Variants in MLXIPL observed in about 807,000 individuals in gnomAD.
MLXIPL encodes the protein MLX interacting protein like, also known as carbohydrate-responsive element-binding protein.
A neutral mutation model predicts 81.5 loss-of-function variants in MLXIPL; 49 were observed. The observed-to-expected ratio is 0.60, with a 90% CI of 0.48 to 0.76. The LOEUF is 0.76. Among genes scored for constraint, MLXIPL ranks in the 30% least tolerant of loss-of-function variants. The pLI is 0.00. For missense variants in MLXIPL, 1,053 were observed against 1,167.0 expected (o/e 0.90, Z 1.42); for synonymous variants, 466 against 485.5 (o/e 0.96, Z 0.53).
At chr7:73,625,891 G>C (rs573141739), upstream of MLXIPL, among the ~76,000 whole-genome samples, 2 of 152,312 alleles carry the variant, frequency 1.3e-5, no homozygotes, top group African/African-American at 4.8e-5. Context: ...TCACTGGAAG[G>C]TGGACATCCC....
intron 5 of MLXIPL, 184 bp from the exon 6 acceptor site, chr7:73,606,295 G>C (rs1456900158): frequency 1.8e-5 from 12 of 652,788 alleles, no homozygotes; most frequent in Non-Finnish European, 3.3e-5. Context: ...TGGCCTCTAA[G>C]AACTTCCCCC....
chr7:73,607,195 C>A, intron 4 of MLXIPL, 136 bp downstream of exon 4: 1 of 1,256,990 alleles, frequency 8.0e-7, no homozygotes, highest in Non-Finnish European at 1.1e-6. Context: ...GCGCTGTCGG[C>A]CCGGGACTGA....
rs759419239 is a variant in MLXIPL at position 73,594,546 on chromosome 7, ACTT to A, written c.2311-146_2311-144del. The A allele has an allele frequency of 9.1e-4, 923 of 1,016,752 alleles. 1 individual carries two copies. The highest frequency in any genetic ancestry group is 5.2e-4 in the East Asian group (20 of 38,334). 63.0% of individuals were successfully genotyped at this position (1,016,752 alleles called of 1,614,324 possible). A position where few individuals can be genotyped will look rare whatever the true frequency, so the allele number is the denominator to read the frequency against. ...CCCAATGACTCATGTTGCAGCCCCT[ACTT>A]CTTCTTTTTTTTTTTTTGAGACGGA... On this transcript the variant is annotated intron_variant, in intron 15 of 16. Transcript: ENST00000313375.
chr7:73,594,441 G>A (rs1794104736), intron 15 of MLXIPL, 38 bp from the exon 16 acceptor site: 1 of 1,599,032 alleles, frequency 6.3e-7, no homozygotes, highest in Admixed American at 1.7e-5. Flanking sequence ...GGTCCAGCTG[G>A]TCCCCCCACA....
the MLXIPL span, among the ~76,000 whole-genome samples, chr7:73,645,839 G>A: frequency 6.6e-6 from 1 of 152,150 alleles, no homozygotes; most frequent in African/African-American, 2.4e-5. Flanking sequence ...GTGACCTTGA[G>A]CCAGAGCCTT....
chr7:73,593,996 CAGAG>C lies in MLXIPL; in HGVS notation c.2441-17_2441-14del, dbSNP rs144164348. On this transcript the variant is annotated splice_polypyrimidine_tract_variant and intron_variant, in intron 16 of 16. Transcript: ENST00000313375. ...GAGTTCAGGACAGCTGGGTGGGAGA[CAGAG>C]AGAGAGAGACAGACACTTCCTGGGG... is the stretch of plus-strand genomic sequence containing the variant. 36 of 1,600,002 alleles carry C rather than the reference CAGAG, an allele frequency of 2.3e-5. No individual in the cohort carries two copies. Among genetic ancestry groups the C allele is most frequent in the East Asian group, 2.2e-4 (10 of 44,744 alleles).
intron 7 of MLXIPL, among the ~76,000 whole-genome samples, chr7:73,603,727 T>G (rs1187471559): frequency 1.3e-5 from 2 of 152,184 alleles, no homozygotes; most frequent in African/African-American, 4.8e-5. Context: ...GGTCCCTAAA[T>G]GTGTGGCTAT....
At chr7:73,629,335 T>C (rs34430945), upstream of MLXIPL, among the ~76,000 whole-genome samples, 23,536 of 152,022 alleles carry the variant, frequency 0.15, 2,122 homozygotes, top group African/African-American at 0.25. Flanking sequence ...GCACCGTGCC[T>C]GGCCGCACCA....
chr7:73,596,035 C>T lies in MLXIPL; in HGVS notation c.2059-66G>A. 3 of 1,605,430 alleles carry T rather than the reference C, an allele frequency of 1.9e-6. No individual in the cohort carries two copies. The Admixed American group carries it at 5.0e-5, about 27-fold the overall frequency. ...CTGTACCCTGGGACCCACTGAGGCA[C>T]TGGGATGGGAGGAGGCAAGAGTGTC... On this transcript the variant is annotated intron_variant, in intron 13 of 16. Transcript: ENST00000313375. This position sits in a 1 kb window ranked among gnomAD's most constrained non-coding sequence, Gnocchi z 4.7.
intron 1 of MLXIPL, 118 bp from the exon 2 acceptor site, chr7:73,616,295 A>T: frequency 1.1e-6 from 1 of 885,154 alleles, no homozygotes; most frequent in Non-Finnish European, 1.8e-6. Flanking sequence ...GCCCCTCCAA[A>T]TCTGGCCCCC....
chr7:73,602,253 G>A (rs1260331114), intron 7 of MLXIPL, among the ~76,000 whole-genome samples: 12 of 138,520 alleles, frequency 8.7e-5, no homozygotes, highest in African/African-American at 3.3e-4. Context: ...GTCTCGCTCT[G>A]TAGCCCAGGC....
chr7:73,641,829 TTTCA>T, the MLXIPL span, among the ~76,000 whole-genome samples: 3 of 152,164 alleles, frequency 2.0e-5, no homozygotes, highest in Admixed American at 2.0e-4. Context: ...AGAGATGGGG[TTTCA>T]CCATGTTAGC....
At chr7:73,618,493 G>A (rs13240662) in intron 1 of MLXIPL, among the ~76,000 whole-genome samples, 4,931 of 150,294 alleles carry the variant, frequency 0.033, 118 homozygotes, top group Middle Eastern at 0.052. Context: ...GTCTGACTCC[G>A]CAGCCTCTCC....
At chr7:73,631,608 T>C in the MLXIPL span, among the ~76,000 whole-genome samples, 14,759 of 139,252 alleles carry the variant, frequency 0.11, 868 homozygotes, top group East Asian at 0.14. Flanking sequence ...GGGTCTGCTA[T>C]GCTGCCTAGG....
At chr7:73,607,299 CT>C in intron 4 of MLXIPL, 31 bp downstream of exon 4, 2 of 1,544,416 alleles carry the variant, frequency 1.3e-6, no homozygotes, top group Non-Finnish European at 1.8e-6. Context: ...AGGAGGAAAG[CT>C]CTGGGGCCTC....
At position 73,607,000 on chromosome 7, in the gene MLXIPL, C is replaced by T. The variant is rs1554598375; in HGVS notation, c.592G>A (p.Glu198Lys). Residue 198 changes from glutamate (E) to lysine (K), a missense_variant, in exon 5 of 17, where the codon GAA (glutamate) becomes AAA (lysine). Around this residue, in one of 3 missense-constraint regions of MLXIPL, gnomAD observed 823 missense variants for 933.0 expected, o/e 0.88. Transcript: ENST00000313375. ...YKKRLRKPSR[E>K]DDLLAPKQAE... is the part of the protein sequence containing the mutation. ...TGCTTAGGGGCCAGGAGGTCATCTTCCCTGCTGGGCTTACGGAGCTGCAGG... is the reference window on the plus strand; with the variant it reads ...TGCTTAGGGGCCAGGAGGTCATCTTTCCTGCTGGGCTTACGGAGCTGCAGG... 1 of 1,613,708 alleles carries T rather than the reference C, an allele frequency of 6.2e-7. No individual in the cohort carries two copies. Among genetic ancestry groups the T allele is most frequent in the Non-Finnish European group, 8.5e-7 (1 of 1,179,924 alleles).
rs1554600675 is a variant in MLXIPL, at chr7:73,616,065, A to C, written c.400+6T>G. On this transcript the variant is annotated splice_donor_region_variant and intron_variant, in intron 2 of 16. Coordinates refer to ENST00000313375, the MANE Select transcript of MLXIPL (RefSeq NM_032951.3). ...CCGGCTTGGGAGGCTGGTGGTAGCC[A>C]CTCACACTGGATATACCAGGCCCTC... is the stretch of plus-strand genomic sequence containing the variant. 1 of 1,612,176 alleles carries C rather than the reference A, an allele frequency of 6.2e-7. No homozygotes were observed. Among genetic ancestry groups the C allele is most frequent in the East Asian group, 2.2e-5 (1 of 44,842 alleles).
intron 2 of MLXIPL, among the ~76,000 whole-genome samples, chr7:73,607,952 G>GTT (rs371117915): frequency 1.4e-5 from 2 of 147,152 alleles, no homozygotes; most frequent in African/African-American, 5.1e-5. Context: ...CACCTCCTGG[G>GTT]TTCAAGCGAT....
rs1308146039 is a variant in MLXIPL, at chr7:73,597,278, G to A, written c.1507C>T (p.Gln503Ter). Residue 503 changes from glutamine (Q) to a stop codon, truncating the protein, a stop_gained, in exon 9 of 17, where the codon CAG becomes TAG. Transcript: ENST00000313375. LOFTEE classifies it high-confidence loss of function. The part of the protein sequence containing the change: ...GKPPAPSPRG[Q>*]KASPPTLAPA... ...GCTAAGGTAGGGGGGCTGGCTTTCT[G>A]TCCCCTAGGGGATGGGGCGGGGGGC... is the stretch of plus-strand genomic sequence containing the variant. 10 of 1,577,170 alleles carry A rather than the reference G, an allele frequency of 6.3e-6. No individual in the cohort carries two copies. The highest frequency in any genetic ancestry group is 8.6e-6 in the Non-Finnish European group (10 of 1,160,902).
Sources: gnomAD v4.1 joint callset for allele counts (sites outside exome capture counted in the v4.1 genomes callset) on GRCh38, gnomAD v4.1.1 for gene constraint, gnomAD v4.1.1 regional missense constraint, Gnocchi (gnomAD v3.1) non-coding constraint, MANE v1.5 for transcripts, NCBI Gene and HGNC (gene_info 2026-07-23, HGNC 2026-07-21) for gene names.